The following GAREM1 variants were observed in gnomAD, a reference collection of about 807,000 sequenced individuals.
The protein encoded by GAREM1 is GRB2-associated and regulator of MAPK protein 1.
Under a neutral mutation model 71.3 loss-of-function variants are expected in GAREM1, and 26 were observed. The observed-to-expected ratio is 0.36, with a 90% CI of 0.27 to 0.51. GAREM1 has a LOEUF of 0.51. Ranked by LOEUF, GAREM1 falls within the 20% of genes least tolerant of loss-of-function variation. The pLI, the probability that GAREM1 is intolerant of heterozygous loss-of-function variation, is 0.95. For synonymous variants in GAREM1, 440 were observed against 433.2 expected (o/e 1.02, Z -0.20); for missense variants, 1,026 against 1,103.1 (o/e 0.93, Z 0.99).
chr18:32,412,591 G>A lies in GAREM1; in HGVS notation c.122-19556C>T, dbSNP rs1384932505. On this transcript the variant is annotated intron_variant, in intron 1 of 5. Transcript: ENST00000269209. Reference sequence around the variant, plus strand: ...CCACCAAAGTTTCCAGAACCACTTCGACCTCTTTGGCTGGATGAAGCACTA... The same window carrying A: ...CCACCAAAGTTTCCAGAACCACTTCAACCTCTTTGGCTGGATGAAGCACTA... 1.4e-5 allele frequency: 21 copies of A among 1,530,892 alleles called. 1 individual carries two copies. Among genetic ancestry groups the A allele is most frequent in the Admixed American group, 8.4e-5 (5 of 59,658 alleles). 94.8% of individuals were successfully genotyped at this position (1,530,892 alleles called of 1,614,324 possible).
chr18:32,393,180 GTTTT>G (rs10708225), intron 1 of GAREM1, 145 bp from the exon 2 acceptor site: 30 of 451,990 alleles, frequency 6.6e-5, no homozygotes, highest in South Asian at 1.3e-4. Context: ...CCTCTGAATT[GTTTT>G]TTTTTTTTTT....
intron 2 of GAREM1, among the ~76,000 whole-genome samples, chr18:32,372,355 G>A (rs2047989501): frequency 6.6e-6 from 1 of 152,138 alleles, no homozygotes; most frequent in Non-Finnish European, 1.5e-5. Flanking sequence ...GCTTCTATGT[G>A]ACGCACACTA....
At chr18:32,293,805 A>G (rs1567952782) in intron 3 of GAREM1, among the ~76,000 whole-genome samples, 1 of 152,198 alleles carries the variant, frequency 6.6e-6, no homozygotes, top group Non-Finnish European at 1.5e-5. Flanking sequence ...AAAGAGGCAT[A>G]CTGACATCCT....
At chr18:32,309,615 C>CAAAAAAAAAAAAAA (rs11370938) in intron 3 of GAREM1, among the ~76,000 whole-genome samples, 1 of 13,862 alleles carries the variant, frequency 7.2e-5, no homozygotes, top group African/African-American at 3.0e-4. Context: ...GACTCAGTCT[C>CAAAAAAAAAAAAAA]AAAAAAAAAA....
chr18:32,289,106 C>G (rs889553081), intron 3 of GAREM1, among the ~76,000 whole-genome samples: 3 of 152,088 alleles, frequency 2.0e-5, no homozygotes, highest in Non-Finnish European at 4.4e-5. Flanking sequence ...TTTTTGAAGA[C>G]AGGATCTTGC....
intron 3 of GAREM1, among the ~76,000 whole-genome samples, chr18:32,301,783 T>C (rs1194483274): frequency 2.0e-5 from 3 of 152,240 alleles, no homozygotes; most frequent in Non-Finnish European, 4.4e-5. Context: ...GTCTGCAAAT[T>C]GTTCACTGGA....
chr18:32,274,152 C>T (rs887909840), intron 4 of GAREM1, among the ~76,000 whole-genome samples: 1 of 152,116 alleles, frequency 6.6e-6, no homozygotes, highest in Non-Finnish European at 1.5e-5. Context: ...TGGCCTATTT[C>T]TCTGCATCTT....
intron 1 of GAREM1, among the ~76,000 whole-genome samples, chr18:32,467,400 T>C (rs1158520175): frequency 6.6e-6 from 1 of 152,140 alleles, no homozygotes; most frequent in East Asian, 1.9e-4. Context: ...TAGCCCAGTT[T>C]GAGATAAGAG....
intron 2 of GAREM1, among the ~76,000 whole-genome samples, chr18:32,332,386 C>G (rs568783913): frequency 1.3e-5 from 2 of 151,956 alleles, no homozygotes; most frequent in Non-Finnish European, 2.9e-5. Flanking sequence ...CCCCCATGCT[C>G]ACATGGGGGG....
chr18:32,365,826 C>A (rs2047924389), intron 2 of GAREM1, among the ~76,000 whole-genome samples: 1 of 152,166 alleles, frequency 6.6e-6, no homozygotes, highest in Admixed American at 6.5e-5. Flanking sequence ...AGTATGAAAC[C>A]TTTTCATTAT....
intron 1 of GAREM1, chr18:32,412,250 G>T: frequency 6.4e-7 from 1 of 1,569,366 alleles, no homozygotes. Context: ...TACTGCTGCT[G>T]CTGGAACCGC....
At chr18:32,457,706 A>T (rs1246584019) in intron 1 of GAREM1, among the ~76,000 whole-genome samples, 1 of 152,146 alleles carries the variant, frequency 6.6e-6, no homozygotes, top group Non-Finnish European at 1.5e-5. Context: ...AAATACAACT[A>T]TTTATAGAGT....
chr18:32,297,665 G>A (rs1404715608), intron 3 of GAREM1, among the ~76,000 whole-genome samples: 3 of 152,068 alleles, frequency 2.0e-5, no homozygotes, highest in African/African-American at 7.2e-5. Flanking sequence ...CCAGAATAGA[G>A]CCTGAAATAT....
At chr18:32,409,279 T>A (rs1389927865) in intron 1 of GAREM1, among the ~76,000 whole-genome samples, 1 of 152,138 alleles carries the variant, frequency 6.6e-6, no homozygotes, top group Non-Finnish European at 1.5e-5. Flanking sequence ...GCAGAGTATA[T>A]AAGAAAAAGA....
intron 2 of GAREM1, among the ~76,000 whole-genome samples, chr18:32,340,674 A>G (rs1411082024): frequency 6.6e-6 from 1 of 152,218 alleles, no homozygotes; most frequent in Non-Finnish European, 1.5e-5. Context: ...AACAATAGGA[A>G]AAGAAGTAAT....
At chr18:32,293,613 A>T (rs1288586972) in intron 3 of GAREM1, among the ~76,000 whole-genome samples, 1 of 152,224 alleles carries the variant, frequency 6.6e-6, no homozygotes, top group East Asian at 1.9e-4. Context: ...ATTTTATATA[A>T]GAATCATCAA....
At chr18:32,391,002 G>A (rs140272794) in intron 2 of GAREM1, among the ~76,000 whole-genome samples, 30 of 152,314 alleles carry the variant, frequency 2.0e-4, no homozygotes, top group Admixed American at 1.2e-3. Flanking sequence ...AAAGGCTTCA[G>A]GTGTTTTTTA....
chr18:32,283,110 C>T (rs1251616797), intron 4 of GAREM1, among the ~76,000 whole-genome samples: 2 of 152,226 alleles, frequency 1.3e-5, no homozygotes, highest in Non-Finnish European at 2.9e-5. Flanking sequence ...CTCAGTTGGG[C>T]TCAGCTGCAA....
chr18:32,434,295 G>C (rs1321567903), intron 1 of GAREM1, among the ~76,000 whole-genome samples: 4 of 151,958 alleles, frequency 2.6e-5, no homozygotes, highest in African/African-American at 4.8e-5. Flanking sequence ...AAAATATATA[G>C]GTTTGCGTGG....
Sources: gnomAD v4.1 joint callset for allele counts (sites outside exome capture counted in the v4.1 genomes callset) on GRCh38, gnomAD v4.1.1 for gene constraint, MANE v1.5 for transcripts, NCBI Gene and HGNC (gene_info 2026-07-23, HGNC 2026-07-21) for gene names.